PAX5: variants seen among roughly 807,000 people sequenced by gnomAD.
PAX5 encodes the protein paired box 5.
Under a neutral mutation model 43.7 loss-of-function variants are expected in PAX5, and 9 were observed. The ratio of observed to expected loss-of-function variants is 0.21; its 90% confidence interval spans 0.12 to 0.36. The LOEUF is 0.36. Among genes scored for constraint, PAX5 ranks in the 10% least tolerant of loss-of-function variants. PAX5 has a pLI of 1.00. For synonymous variants in PAX5, 228 were observed against 214.3 expected, an observed-to-expected ratio of 1.06 and a Z score of -0.56; for missense variants, 383 against 532.7, an observed-to-expected ratio of 0.72 and a Z score of 2.77.
At chr9:36,953,156 T>C (rs1445626372) in intron 6 of PAX5, among the ~76,000 whole-genome samples, 2 of 152,210 alleles carry the variant, frequency 1.3e-5, no homozygotes, top group Non-Finnish European at 2.9e-5. Flanking sequence ...ACACTTTTAA[T>C]ATGTCACTCC....
intron 6 of PAX5, among the ~76,000 whole-genome samples, chr9:36,951,030 C>T (rs901794012): frequency 6.6e-6 from 1 of 152,276 alleles, no homozygotes; most frequent in South Asian, 2.1e-4. Context: ...GCGTGAGCCA[C>T]TGCATGAATT....
At chr9:36,854,146 G>A (rs1199865992) in intron 8 of PAX5, among the ~76,000 whole-genome samples, 3 of 152,238 alleles carry the variant, frequency 2.0e-5, no homozygotes, top group Non-Finnish European at 4.4e-5. Context: ...ATTTGAAAAG[G>A]ACCATGAGGT....
rs773198171 is a variant in PAX5 at position 36,966,699 on chromosome 9, G to T, written c.630C>A (p.Asn210Lys). The T allele has an allele frequency of 6.2e-7, 1 of 1,614,164 alleles. No individual in the cohort carries two copies. The highest frequency in any genetic ancestry group is 8.5e-7 in the Non-Finnish European group (1 of 1,180,010). The change falls in exon 6 of 10, where the codon AAC becomes AAA. Residue 210 changes from asparagine (N) to lysine (K), a missense_variant. Physicochemically the swap from Asn to Lys is moderately conservative, Grantham distance 94. Transcript: ENST00000358127. Reference protein sequence around the residue: ...DEGIQESPVPNGHSLPGRDFL... With the variant: ...DEGIQESPVPKGHSLPGRDFL... ...AGTCTCTGCCCGGAAGCGAGTGGCCGTTCGGCACCGGAGACTCCTGAATAC... is the reference window on the plus strand; with the variant it reads ...AGTCTCTGCCCGGAAGCGAGTGGCCTTTCGGCACCGGAGACTCCTGAATAC...
At chr9:36,866,478 T>G (rs1161092195) in intron 8 of PAX5, among the ~76,000 whole-genome samples, 1 of 152,100 alleles carries the variant, frequency 6.6e-6, no homozygotes, top group Non-Finnish European at 1.5e-5. Context: ...GAGAAGATGT[T>G]TTTGTAGCTG....
chr9:36,843,040 ATGTG>A (rs202058381), intron 9 of PAX5, among the ~76,000 whole-genome samples: 1 of 150,906 alleles, frequency 6.6e-6, no homozygotes, highest in Non-Finnish European at 1.5e-5. Context: ...GTATGTGTGC[ATGTG>A]TGTGTGAGTG....
At chr9:36,989,988 T>C (rs1269562793) in intron 5 of PAX5, among the ~76,000 whole-genome samples, 1 of 152,152 alleles carries the variant, frequency 6.6e-6, no homozygotes, top group African/African-American at 2.4e-5. Flanking sequence ...ACAGGCAGGT[T>C]CTGTGTGCTG....
intron 1 of PAX5, among the ~76,000 whole-genome samples, chr9:37,024,994 A>G (rs1388725830): frequency 6.6e-6 from 1 of 152,180 alleles, no homozygotes; most frequent in East Asian, 1.9e-4. Context: ...GCATTGCCCT[A>G]ACTGGTTTGT....
In PAX5 at chr9:36,839,676, A is replaced by G. The variant is rs3780134; in HGVS notation, c.*884T>C. 377 of 233,302 alleles carry G rather than the reference A, an allele frequency of 1.6e-3. 2 individuals are homozygous for G. The East Asian group carries it at 0.022, about 13-fold the overall frequency. The allele number at this position is 233,302 out of a possible 1,614,324, so 14.5% of individuals were successfully genotyped here. A position where few individuals can be genotyped will look rare whatever the true frequency, so the allele number is the denominator to read the frequency against. On this transcript the variant is annotated 3_prime_UTR_variant, in exon 10 of 10. Coordinates refer to ENST00000358127, the MANE Select transcript of PAX5 (RefSeq NM_016734.3). ...AGCCTCAGGCCCCTCCTTGGCTGGG[A>G]TCAGATGATCTCCTGCGTCCCATCC...
intron 5 of PAX5, among the ~76,000 whole-genome samples, chr9:36,985,273 G>A (rs1223161070): frequency 2.0e-5 from 3 of 152,196 alleles, no homozygotes; most frequent in South Asian, 2.1e-4. Context: ...CACATAGCAG[G>A]TGCCTGCCAC....
intron 5 of PAX5, among the ~76,000 whole-genome samples, chr9:36,979,369 A>G (rs1835720730): frequency 6.6e-6 from 1 of 152,208 alleles, no homozygotes. Flanking sequence ...TGGAAGCACA[A>G]TTATTTCCCT....
chr9:36,878,799 A>T (rs1311963115), intron 8 of PAX5, among the ~76,000 whole-genome samples: 1 of 152,240 alleles, frequency 6.6e-6, no homozygotes, highest in East Asian at 1.9e-4. Flanking sequence ...CAAGAGTCCC[A>T]AAGACCTGAC....
At chr9:37,011,296 G>T (rs1157566684) in intron 3 of PAX5, among the ~76,000 whole-genome samples, 1 of 152,126 alleles carries the variant, frequency 6.6e-6, no homozygotes, top group Non-Finnish European at 1.5e-5. Flanking sequence ...ATTTGACTTA[G>T]TTGCTAATAT....
intron 8 of PAX5, among the ~76,000 whole-genome samples, chr9:36,875,074 G>A (rs1302093811): frequency 6.6e-6 from 1 of 152,134 alleles, no homozygotes; most frequent in Non-Finnish European, 1.5e-5. Flanking sequence ...CTCAGAACCA[G>A]GGAGTCTGGC....
At position 36,952,300 on chromosome 9, in the gene PAX5, C is replaced by T. The variant is rs117326522; in HGVS notation, c.780+14249G>A. Among the ~76,000 whole-genome samples, 85 of 119,726 alleles carry T rather than the reference C, an allele frequency of 7.1e-4. 1 individual carries two copies. In the East Asian group the frequency reaches 0.019, roughly 26 times the overall value. The allele number at this position is 119,726 out of a possible 152,430, so 78.5% of individuals were successfully genotyped here. A position where few individuals can be genotyped will look rare whatever the true frequency, so the allele number is the denominator to read the frequency against. Reference sequence around the variant, plus strand: ...TTTCAGCCAGGCTGGAGCACAATGGCGAGATCTCGGCTCACTGCAACCTCC... The same window carrying T: ...TTTCAGCCAGGCTGGAGCACAATGGTGAGATCTCGGCTCACTGCAACCTCC... On this transcript the variant is annotated intron_variant, in intron 6 of 9. Coordinates refer to ENST00000358127, the MANE Select transcript of PAX5 (RefSeq NM_016734.3).
At chr9:36,981,079 C>T (rs1835871025) in intron 5 of PAX5, among the ~76,000 whole-genome samples, 2 of 152,064 alleles carry the variant, frequency 1.3e-5, no homozygotes, top group Non-Finnish European at 2.9e-5. Context: ...TTCCCTCTCT[C>T]CGGAAACTTC....
intron 3 of PAX5, among the ~76,000 whole-genome samples, chr9:37,014,345 TG>T (rs1839212305): frequency 6.6e-6 from 1 of 152,198 alleles, no homozygotes; most frequent in Admixed American, 6.5e-5. Context: ...ATGTATGAGT[TG>T]GGGAGAGGGC....
intron 3 of PAX5, among the ~76,000 whole-genome samples, chr9:37,011,128 CA>C (rs1225031293): frequency 0.11 from 10,912 of 101,020 alleles, 1,133 homozygotes; most frequent in African/African-American, 0.3. Context: ...CTCAAAAAAA[CA>C]AAAAAAAAAA....
intron 5 of PAX5, among the ~76,000 whole-genome samples, chr9:36,977,633 C>G (rs989036869): frequency 3.9e-5 from 6 of 152,112 alleles, no homozygotes; most frequent in Admixed American, 3.9e-4. Flanking sequence ...CAGGTTCAAG[C>G]GATTCTCCTG....
intron 6 of PAX5, among the ~76,000 whole-genome samples, chr9:36,933,075 C>T (rs907106291): frequency 6.7e-6 from 1 of 148,556 alleles, no homozygotes; most frequent in African/African-American, 2.5e-5. Context: ...ACCCCAGAGG[C>T]GAACTTTGCA....
Sources: allele counts gnomAD v4.1 joint callset (sites outside exome capture counted in the v4.1 genomes callset), GRCh38; gene constraint gnomAD v4.1.1; transcripts MANE v1.5; gene names NCBI Gene and HGNC (gene_info 2026-07-23, HGNC 2026-07-21).